ZRANB3: variants seen among roughly 807,000 people sequenced by gnomAD.
ZRANB3 encodes the protein DNA annealing helicase and endonuclease ZRANB3.
A neutral mutation model predicts 133.8 loss-of-function variants in ZRANB3; 125 were observed. The ratio of observed to expected loss-of-function variants is 0.93; its 90% confidence interval spans 0.81 to 1.08. ZRANB3 has a LOEUF of 1.08. Among genes scored for constraint, ZRANB3 ranks in the 50% least tolerant of loss-of-function variants. The probability of loss-of-function intolerance (pLI) is 0.00; values close to 1 mark genes in which losing one functional copy is unlikely to be tolerated. For missense variants in ZRANB3, 1,229 were observed against 1,275.5 expected (o/e 0.96, Z 0.56); for synonymous variants, 387 against 432.7 (o/e 0.89, Z 1.31).
chr2:135,501,476 C>T (rs995456054), intron 2 of ZRANB3, among the ~76,000 whole-genome samples: 1 of 152,122 alleles, frequency 6.6e-6, no homozygotes, highest in African/African-American at 2.4e-5. Context: ...AATGACAACA[C>T]CATTACCTCA....
chr2:135,336,464 C>T (rs1357442884), intron 6 of ZRANB3, among the ~76,000 whole-genome samples: 1 of 152,118 alleles, frequency 6.6e-6, no homozygotes, highest in Non-Finnish European at 1.5e-5. Flanking sequence ...ATATAGCACT[C>T]CACAGACTAA....
At chr2:135,250,239 G>T (rs1679322863) in intron 12 of ZRANB3, among the ~76,000 whole-genome samples, 1 of 152,142 alleles carries the variant, frequency 6.6e-6, no homozygotes, top group Admixed American at 6.5e-5. Flanking sequence ...ATGATTTAGG[G>T]TATCTGACAG....
In ZRANB3 at chr2:135,306,483, A is replaced by T. The variant is rs7567295; in HGVS notation, c.966+7006T>A. Among the ~76,000 whole-genome samples the T allele has an allele frequency of 3.9e-3, 585 of 149,852 alleles. 4 individuals are homozygous for T. The highest frequency in any genetic ancestry group is 0.014 in the African/African-American group (562 of 40,634). ...TTTTTTTTGTATTTTTAGTGGAGAC[A>T]GGGTTTCACCATGTTAGCCAGGATG... On this transcript the variant is annotated intron_variant, in intron 8 of 20. Coordinates refer to ENST00000264159, the MANE Select transcript of ZRANB3 (RefSeq NM_032143.4).
At chr2:135,405,872 A>G (rs978135416) in intron 2 of ZRANB3, among the ~76,000 whole-genome samples, 2 of 152,264 alleles carry the variant, frequency 1.3e-5, no homozygotes, top group African/African-American at 4.8e-5. Context: ...AAAGCAGGAA[A>G]GATCTAAAAT....
At chr2:135,260,797 A>G (rs1349070902) in intron 12 of ZRANB3, among the ~76,000 whole-genome samples, 3 of 145,484 alleles carry the variant, frequency 2.1e-5, no homozygotes, top group Non-Finnish European at 4.5e-5. Context: ...TACTATATAT[A>G]TTCAAGTTTA....
intron 2 of ZRANB3, among the ~76,000 whole-genome samples, chr2:135,421,999 T>C (rs1688875154): frequency 6.6e-6 from 1 of 151,794 alleles, no homozygotes; most frequent in Non-Finnish European, 1.5e-5. Context: ...TATTTCTACA[T>C]TTATCATTAT....
intron 12 of ZRANB3, among the ~76,000 whole-genome samples, chr2:135,259,766 A>T (rs1399380223): frequency 1.3e-5 from 2 of 152,082 alleles, no homozygotes; most frequent in Non-Finnish European, 2.9e-5. Context: ...ACCCATACTA[A>T]ATTAGAGTCC....
At chr2:135,409,968 T>C (rs1027219297) in intron 2 of ZRANB3, among the ~76,000 whole-genome samples, 7 of 152,122 alleles carry the variant, frequency 4.6e-5, no homozygotes, top group African/African-American at 1.7e-4. Flanking sequence ...TATGAAACAC[T>C]GATGAAAGAA....
At chr2:135,370,034 T>C (rs1275314184) in intron 3 of ZRANB3, among the ~76,000 whole-genome samples, 4 of 79,340 alleles carry the variant, frequency 5.0e-5, no homozygotes, top group African/African-American at 3.6e-4. Context: ...GGCATGTTTC[T>C]TTTTTTTTTT....
intron 6 of ZRANB3, among the ~76,000 whole-genome samples, chr2:135,320,240 T>C (rs967390962): frequency 6.6e-6 from 1 of 152,174 alleles, no homozygotes; most frequent in Non-Finnish European, 1.5e-5. Flanking sequence ...AGGTCCATAG[T>C]TGCATGGGAA....
At chr2:135,296,218 T>C (rs1450361060) in intron 8 of ZRANB3, among the ~76,000 whole-genome samples, 1 of 152,260 alleles carries the variant, frequency 6.6e-6, no homozygotes. Context: ...GGTATACCAA[T>C]CAGACGTAGA....
intron 1 of ZRANB3, among the ~76,000 whole-genome samples, chr2:135,514,703 T>C (rs747162341): frequency 1.3e-5 from 2 of 152,196 alleles, no homozygotes; most frequent in Non-Finnish European, 2.9e-5. Context: ...AAAGAAGGCA[T>C]CCTTGTGTGC....
chr2:135,209,007 C>A (rs1296132544), intron 17 of ZRANB3, 29 bp from the exon 18 acceptor site: 4 of 1,588,026 alleles, frequency 2.5e-6, no homozygotes, highest in Non-Finnish European at 3.5e-6. Flanking sequence ...AAATAGATTC[C>A]CTCTATCTCA....
chr2:135,457,783 C>G (rs1460140548), intron 2 of ZRANB3, among the ~76,000 whole-genome samples: 1 of 151,778 alleles, frequency 6.6e-6, no homozygotes, highest in East Asian at 1.9e-4. Context: ...CTTTTTATTG[C>G]TGAGTTATAA....
chr2:135,337,406 C>T (rs1684416070), intron 6 of ZRANB3, among the ~76,000 whole-genome samples: 1 of 152,168 alleles, frequency 6.6e-6, no homozygotes, highest in Non-Finnish European at 1.5e-5. Context: ...CCCCAGAGTG[C>T]TATAGATATG....
chr2:135,205,017 T>A (rs538646973), intron 19 of ZRANB3, among the ~76,000 whole-genome samples: 2 of 152,016 alleles, frequency 1.3e-5, no homozygotes, highest in South Asian at 4.2e-4. Flanking sequence ...GTACAATATG[T>A]CCCTCGCCAA....
At chr2:135,295,003 T>G (rs1681970882) in intron 8 of ZRANB3, among the ~76,000 whole-genome samples, 1 of 152,088 alleles carries the variant, frequency 6.6e-6, no homozygotes, top group Non-Finnish European at 1.5e-5. Context: ...TGCTGAGGAG[T>G]GCTTTACTTC....
intron 3 of ZRANB3, among the ~76,000 whole-genome samples, chr2:135,376,989 T>C (rs1686457684): frequency 6.6e-6 from 1 of 151,842 alleles, no homozygotes; most frequent in Non-Finnish European, 1.5e-5. Flanking sequence ...ATGAATGGAG[T>C]CTATAAGAAT....
At chr2:135,202,655 GC>G in intron 20 of ZRANB3, 176 bp downstream of exon 20, 1 of 612,762 alleles carries the variant, frequency 1.6e-6, no homozygotes, top group African/African-American at 1.9e-5. Context: ...AGCTTCTCTT[GC>G]ATCTGTGACA....
Sources: gnomAD v4.1 joint callset for allele counts (sites outside exome capture counted in the v4.1 genomes callset) on GRCh38, gnomAD v4.1.1 for gene constraint, MANE v1.5 for transcripts, NCBI Gene and HGNC (gene_info 2026-07-23, HGNC 2026-07-21) for gene names.